The following PLCE1 variants were observed in gnomAD, a reference collection of about 807,000 sequenced individuals.
The protein encoded by PLCE1 is 1-phosphatidylinositol 4,5-bisphosphate phosphodiesterase epsilon-1.
In PLCE1, 119 loss-of-function variants were observed where a neutral mutation model predicts 242.8. The observed-to-expected ratio is 0.49, with a 90% CI of 0.42 to 0.57. The LOEUF is 0.57. Ranked by LOEUF, PLCE1 falls within the 20% of genes least tolerant of loss-of-function variation. PLCE1 has a pLI of 0.00. For missense variants in PLCE1, 2,441 were observed against 2,788.8 expected (o/e 0.88, Z 2.81); for synonymous variants, 945 against 1,017.4 (o/e 0.93, Z 1.35).
At chr10:94,035,173 T>C (rs1009162014) in intron 2 of PLCE1, among the ~76,000 whole-genome samples, 8 of 152,192 alleles carry the variant, frequency 5.3e-5, no homozygotes, top group Admixed American at 5.2e-4. Flanking sequence ...AATGCAGTGG[T>C]TTAAAAAATC....
intron 1 of PLCE1, among the ~76,000 whole-genome samples, chr10:94,003,042 C>T (rs1272417029): frequency 6.6e-6 from 1 of 152,142 alleles, no homozygotes; most frequent in African/African-American, 2.4e-5. Flanking sequence ...TCATTATTTT[C>T]TAAAGGTTTT....
chr10:94,171,594 A>G (rs978588316), intron 4 of PLCE1, 98 bp downstream of exon 4: 7 of 951,668 alleles, frequency 7.4e-6, no homozygotes, highest in Non-Finnish European at 1.0e-5. Flanking sequence ...TGATGTGTTC[A>G]TTTCATTCTG....
At position 94,031,868 on chromosome 10, in the gene PLCE1, C is replaced by G. The variant is rs771936307; in HGVS notation, c.822C>G (p.Asp274Glu). ...FCFEGSCEKVDMVYSGDSFCR... is the reference protein window; with the variant it reads ...FCFEGSCEKVEMVYSGDSFCR... ...TTGAAGGCTCTTGTGAGAAGGTTGA[C>G]ATGGTATATTCAGGTGATAGCTTTT... The change falls in exon 2 of 33, where the codon GAC becomes GAG. Residue 274 changes from aspartate (D) to glutamate (E), a missense_variant. Physicochemically the swap from Asp to Glu is conservative, Grantham distance 45. Coordinates refer to ENST00000371380, the MANE Select transcript of PLCE1 (RefSeq NM_016341.4). 5.6e-6 allele frequency: 9 copies of G among 1,613,804 alleles called. 1 individual carries two copies. The South Asian group carries it at 9.9e-5, about 18-fold the overall frequency.
chr10:94,254,827 T>G, intron 10 of PLCE1, 66 bp from the exon 11 acceptor site: 1 of 1,564,854 alleles, frequency 6.4e-7, no homozygotes, highest in Non-Finnish European at 8.8e-7. Context: ...CTCTCTGGTT[T>G]GTATTTGGTT....
chr10:94,109,542 A>C (rs918794714), intron 2 of PLCE1, among the ~76,000 whole-genome samples: 1 of 152,186 alleles, frequency 6.6e-6, no homozygotes, highest in African/African-American at 2.4e-5. Flanking sequence ...TGGGAGGCAG[A>C]GGTTGCAGTG....
At chr10:94,003,961 G>C (rs1454785932) in intron 1 of PLCE1, among the ~76,000 whole-genome samples, 1 of 152,022 alleles carries the variant, frequency 6.6e-6, no homozygotes, top group African/African-American at 2.4e-5. Flanking sequence ...GCCTGGCCAA[G>C]ATGGTGAAAC....
At chr10:94,101,377 G>A (rs902538664) in intron 2 of PLCE1, among the ~76,000 whole-genome samples, 3 of 152,162 alleles carry the variant, frequency 2.0e-5, no homozygotes, top group African/African-American at 7.2e-5. Context: ...GTCCTTATTA[G>A]GTTGCAAAAT....
At chr10:94,215,769 G>A (rs1346740223) in intron 4 of PLCE1, among the ~76,000 whole-genome samples, 3 of 152,090 alleles carry the variant, frequency 2.0e-5, no homozygotes, top group Admixed American at 6.6e-5. Flanking sequence ...GAGAAGGGCC[G>A]AGACAGAGCA....
chr10:94,316,725 T>A lies in PLCE1; in HGVS notation c.6311T>A (p.Met2104Lys). The change falls in exon 29 of 33, where the codon ATG becomes AAG. Residue 2104 changes from methionine (M) to lysine (K), a missense_variant. Met to Lys is a moderately conservative substitution (Grantham distance 95, BLOSUM62 -1). Transcript: ENST00000371380. ...LSSWFPEEGY[M>K]GRIVLKTQQE... ...AGCTGGTTTCCAGAAGAGGGATACA[T>A]GGGCAGGATTGTCTTAAAAACCCAG... 6.2e-7 allele frequency: 1 copy of A among 1,613,978 alleles called. No homozygotes were observed. Among genetic ancestry groups the A allele is most frequent in the Non-Finnish European group, 8.5e-7 (1 of 1,179,882 alleles).
intron 1 of PLCE1, among the ~76,000 whole-genome samples, chr10:93,994,886 AT>A (rs1375230291): frequency 6.6e-6 from 1 of 152,220 alleles, no homozygotes; most frequent in East Asian, 1.9e-4. Flanking sequence ...TTAGTGATTA[AT>A]CAGTGTCATT....
intron 4 of PLCE1, among the ~76,000 whole-genome samples, chr10:94,223,371 T>A (rs1033988916): frequency 6.7e-6 from 1 of 150,202 alleles, no homozygotes; most frequent in Non-Finnish European, 1.5e-5. Context: ...AGAGGTGAGG[T>A]GATTGGAGAA....
chr10:94,000,206 G>T (rs1210690336), intron 1 of PLCE1, among the ~76,000 whole-genome samples: 1 of 152,202 alleles, frequency 6.6e-6, no homozygotes, highest in Admixed American at 6.5e-5. Flanking sequence ...AGTTTGAGAA[G>T]AACTAAATAG....
At position 93,996,114 on chromosome 10, in the gene PLCE1, C is replaced by CGTGT. The variant is rs10538788; in HGVS notation, c.-365+1872_-365+1875dup. On this transcript the variant is annotated intron_variant, in intron 1 of 32. Transcript: ENST00000371380. ...TTTGCACAGAGTGAGGCTTGCTGCA[C>CGTGT]GTGTGTGTGTGTGTGTGTGCGCGCG... Among the ~76,000 whole-genome samples the CGTGT allele has an allele frequency of 6.6e-5, 10 of 151,318 alleles. No individual in the cohort carries two copies. The South Asian group carries it at 1.7e-3, about 25-fold the overall frequency.
At chr10:94,159,628 T>A (rs1323863242) in intron 3 of PLCE1, among the ~76,000 whole-genome samples, 1 of 152,184 alleles carries the variant, frequency 6.6e-6, no homozygotes, top group Non-Finnish European at 1.5e-5. Flanking sequence ...GTAACTTTTT[T>A]TAAATATGCT....
chr10:94,297,193 G>A (rs536885312), intron 23 of PLCE1, among the ~76,000 whole-genome samples: 8 of 152,116 alleles, frequency 5.3e-5, no homozygotes, highest in South Asian at 2.1e-4. Flanking sequence ...AGTGAGAAAC[G>A]TGTGACTCTC....
intron 1 of PLCE1, among the ~76,000 whole-genome samples, chr10:94,001,314 C>T (rs1589835237): frequency 6.6e-6 from 1 of 152,106 alleles, no homozygotes; most frequent in Non-Finnish European, 1.5e-5. Flanking sequence ...ATGGTAACCT[C>T]AAGGAAATGT....
chr10:94,278,639 G>C (rs1342176783), intron 19 of PLCE1, among the ~76,000 whole-genome samples: 4 of 152,060 alleles, frequency 2.6e-5, no homozygotes, highest in African/African-American at 9.7e-5. Context: ...TCTGAGAAGG[G>C]ATCCTGTCTC....
chr10:94,186,665 A>C (rs1289038361), intron 4 of PLCE1, among the ~76,000 whole-genome samples: 1 of 152,216 alleles, frequency 6.6e-6, no homozygotes, highest in Admixed American at 6.5e-5. Context: ...ACATTTTTTC[A>C]ACTGGATGTG....
At chr10:94,127,450 C>T (rs2046467983) in intron 2 of PLCE1, among the ~76,000 whole-genome samples, 1 of 152,148 alleles carries the variant, frequency 6.6e-6, no homozygotes, top group South Asian at 2.1e-4. Flanking sequence ...GTTCAGGCTT[C>T]TTCACATGGC....
Sources: allele counts gnomAD v4.1 joint callset (sites outside exome capture counted in the v4.1 genomes callset), GRCh38; gene constraint gnomAD v4.1.1; transcripts MANE v1.5; gene names NCBI Gene and HGNC (gene_info 2026-07-23, HGNC 2026-07-21).